Variants in TFB1M observed in about 807,000 individuals in gnomAD.
TFB1M encodes transcription factor B1, mitochondrial.
In TFB1M, 27 loss-of-function variants were observed where a neutral mutation model predicts 31.1. The ratio of observed to expected loss-of-function variants is 0.87; its 90% CI spans 0.64 to 1.20. TFB1M has a LOEUF of 1.20. TFB1M is among the 50% of genes most tolerant of loss of function. The probability of loss-of-function intolerance (pLI) is 0.00; values close to 1 mark genes in which losing one functional copy is unlikely to be tolerated. For synonymous variants in TFB1M, 166 were observed against 151.8 expected (o/e 1.09, Z -0.69); for missense variants, 394 against 418.7 (o/e 0.94, Z 0.51).
Position 155,256,610 on chromosome 6 carries a change from G to C in TFB1M, c.*1226C>G, listed in dbSNP as rs746696045. ...AGCAGCGGCACCCAGAGCAGCGGCT[G>C]CCCCACGGCTGAGGGCAGGCAGGAC... On this transcript the variant is annotated 3_prime_UTR_variant, in exon 7 of 7. Transcript: ENST00000367166. 1.9e-5 allele frequency: 31 copies of C among 1,614,164 alleles called. No individual in the cohort carries two copies. Among genetic ancestry groups the C allele is most frequent in the Admixed American group, 1.2e-4 (7 of 60,032 alleles).
the TFB1M span, among the ~76,000 whole-genome samples, chr6:155,249,554 G>A: frequency 2.0e-4 from 30 of 152,202 alleles, no homozygotes; most frequent in Admixed American, 1.3e-3. Flanking sequence ...ATCACCTGTC[G>A]TGATCCTTGC....
chr6:155,260,419 T>C lies in TFB1M; in HGVS notation c.667-19A>G. 1 of 1,614,170 alleles carries C rather than the reference T, an allele frequency of 6.2e-7. No individual in the cohort carries two copies. The highest frequency in any genetic ancestry group is 8.5e-7 in the Non-Finnish European group (1 of 1,180,002). On this transcript the variant is annotated intron_variant, in intron 5 of 6. Transcript: ENST00000367166. ...CGTCCACCTTCGTTGTAAGCAAACA[T>C]ATTATCATTCTGTGGCATGATATGT...
At chr6:155,254,411 C>G (rs148014772), downstream of TFB1M, 363 of 1,610,296 alleles carry the variant, frequency 2.3e-4, no homozygotes, top group East Asian at 6.7e-3. Flanking sequence ...CTCTCCCCCC[C>G]CACCCAGTGA....
At chr6:155,253,373 C>A, downstream of TFB1M, 1 of 287,334 alleles carries the variant, frequency 3.5e-6, no homozygotes, top group Non-Finnish European at 6.5e-6. Context: ...TATGTTTTTA[C>A]AAATTTAGAA....
At chr6:155,301,768 T>C (rs190602208) in intron 2 of TFB1M, among the ~76,000 whole-genome samples, 84 of 152,330 alleles carry the variant, frequency 5.5e-4, no homozygotes, top group Middle Eastern at 6.8e-3. Context: ...GGGAAGCATA[T>C]ATGTAAAACA....
intron 2 of TFB1M, among the ~76,000 whole-genome samples, chr6:155,300,912 C>T (rs1291688189): frequency 6.6e-6 from 1 of 152,080 alleles, no homozygotes; most frequent in East Asian, 1.9e-4. Flanking sequence ...TCAGGCAATT[C>T]TCTTGCCTCA....
rs368141989 is a variant in TFB1M at position 155,257,002 on chromosome 6, T to C, written c.*834A>G. 15 of 1,614,064 alleles carry C rather than the reference T, an allele frequency of 9.3e-6. No homozygotes were observed. The highest frequency in any genetic ancestry group is 1.6e-4 in the Middle Eastern group (1 of 6,084). On this transcript the variant is annotated 3_prime_UTR_variant, in exon 7 of 7. Coordinates refer to ENST00000367166, the MANE Select transcript of TFB1M (RefSeq NM_016020.4). Reference sequence around the variant, plus strand: ...CCGTCACCAGTCCCTTGACAGTCAGTCTGAAAATGCCACCATCGACCTAAA... The same window carrying C: ...CCGTCACCAGTCCCTTGACAGTCAGCCTGAAAATGCCACCATCGACCTAAA...
At chr6:155,260,744 G>T in intron 5 of TFB1M, 1 of 350,898 alleles carries the variant, frequency 2.8e-6, no homozygotes, top group Non-Finnish European at 5.5e-6. Flanking sequence ...GAATATTTTA[G>T]TTTTTGAATG....
At chr6:155,245,673 T>C in the TFB1M span, 1 of 1,614,026 alleles carries the variant, frequency 6.2e-7, no homozygotes, top group East Asian at 2.2e-5. Flanking sequence ...CGGACCACTT[T>C]AAACTGTACA....
At chr6:155,310,675 C>T (rs1184825612) in intron 2 of TFB1M, among the ~76,000 whole-genome samples, 2 of 152,160 alleles carry the variant, frequency 1.3e-5, no homozygotes, top group East Asian at 3.8e-4. Flanking sequence ...AAAAGTACAA[C>T]TTCCTTCCTT....
chr6:155,263,081 G>C (rs757887475), intron 5 of TFB1M, among the ~76,000 whole-genome samples: 1 of 152,032 alleles, frequency 6.6e-6, no homozygotes, highest in Non-Finnish European at 1.5e-5. Context: ...CTTCTGGGAC[G>C]GCCAGGACCT....
the TFB1M span, chr6:155,249,763 T>C: frequency 2.6e-6 from 3 of 1,146,390 alleles, no homozygotes; most frequent in South Asian, 1.5e-5. Context: ...GAATCCTGAG[T>C]TGAATCTTGA....
chr6:155,241,163 C>G, the TFB1M span, among the ~76,000 whole-genome samples: 1 of 152,140 alleles, frequency 6.6e-6, no homozygotes, highest in African/African-American at 2.4e-5. Flanking sequence ...GACGCACACA[C>G]TGGGGAGTGG....
At chr6:155,277,258 C>CT (rs943154017) in intron 5 of TFB1M, among the ~76,000 whole-genome samples, 2 of 152,188 alleles carry the variant, frequency 1.3e-5, no homozygotes, top group Admixed American at 6.5e-5. Flanking sequence ...ACCTTTGTCA[C>CT]TTTTTCTCTC....
At position 155,257,710 on chromosome 6, in the gene TFB1M, GA is replaced by G; in HGVS notation, c.*125del. ...TCTCTGCCAAGCTGTATAGTAAAAGGAAAATAAGTCACATCTGGTCATTGGC... is the reference window on the plus strand; with the variant it reads ...TCTCTGCCAAGCTGTATAGTAAAAGGAAATAAGTCACATCTGGTCATTGGC... On this transcript the variant is annotated 3_prime_UTR_variant, in exon 7 of 7. Coordinates refer to ENST00000367166, the MANE Select transcript of TFB1M (RefSeq NM_016020.4). 1.7e-6 allele frequency: 2 copies of G among 1,170,298 alleles called. No individual in the cohort carries two copies. Among genetic ancestry groups the G allele is most frequent in the Non-Finnish European group, 1.2e-6 (1 of 813,112 alleles). 72.5% of individuals were successfully genotyped at this position (1,170,298 alleles called of 1,614,324 possible). A position where few individuals can be genotyped will look rare whatever the true frequency, so the allele number is the denominator to read the frequency against.
intron 3 of TFB1M, 79 bp from the exon 4 acceptor site, chr6:155,297,183 G>A (rs1213888406): frequency 1.8e-5 from 27 of 1,464,142 alleles, no homozygotes; most frequent in Middle Eastern, 4.6e-4. Context: ...AGTAAAATCA[G>A]ACTGGATATT....
chr6:155,256,628 G>C lies in TFB1M; in HGVS notation c.*1208C>G. 6.2e-7 allele frequency: 1 copy of C among 1,614,178 alleles called. No homozygotes were observed. The highest frequency in any genetic ancestry group is 1.6e-4 in the Middle Eastern group (1 of 6,062). ...AGCGGCTGCCCCACGGCTGAGGGCAGGCAGGACTCCAAGAGCACTTCTCCC... is the reference window on the plus strand; with the variant it reads ...AGCGGCTGCCCCACGGCTGAGGGCACGCAGGACTCCAAGAGCACTTCTCCC... On this transcript the variant is annotated 3_prime_UTR_variant, in exon 7 of 7. Transcript: ENST00000367166.
chr6:155,311,054 T>C, intron 2 of TFB1M, 134 bp downstream of exon 2: 4 of 959,340 alleles, frequency 4.2e-6, no homozygotes, highest in South Asian at 1.4e-5. Flanking sequence ...TCAAAATCTC[T>C]GGAATGGGGC....
chr6:155,250,646 C>T, the TFB1M span: 1 of 1,533,386 alleles, frequency 6.5e-7, no homozygotes, highest in East Asian at 2.4e-5. Context: ...CTTATGGAAA[C>T]TGAGTTGGTC....
Sources: gnomAD v4.1 joint callset for allele counts (sites outside exome capture counted in the v4.1 genomes callset) on GRCh38, gnomAD v4.1.1 for gene constraint, MANE v1.5 for transcripts, NCBI Gene and HGNC (gene_info 2026-07-23, HGNC 2026-07-21) for gene names.